Variants in SLC35F4 observed in about 807,000 individuals in gnomAD.
SLC35F4 encodes chromosome 14 open reading frame 36.
Under a neutral mutation model 44.2 loss-of-function variants are expected in SLC35F4, and 24 were observed. The observed-to-expected ratio is 0.54, with a 90% CI of 0.39 to 0.76. The LOEUF (loss-of-function observed/expected upper bound fraction) is 0.76, where lower values mean the gene tolerates loss of function less well. Ranked by LOEUF, SLC35F4 falls within the 30% of genes least tolerant of loss-of-function variation. SLC35F4 has a pLI of 0.00. For synonymous variants in SLC35F4, 238 were observed against 223.6 expected (o/e 1.06, Z -0.57); for missense variants, 562 against 586.1 (o/e 0.96, Z 0.42).
chr14:57,812,973 A>G (rs985238204), intron 1 of SLC35F4, among the ~76,000 whole-genome samples: 1 of 152,242 alleles, frequency 6.6e-6, no homozygotes, highest in Non-Finnish European at 1.5e-5. Flanking sequence ...CCTGTGTGCC[A>G]GAAGCTGTTC....
At chr14:57,743,466 A>C (rs1025554988) in intron 1 of SLC35F4, among the ~76,000 whole-genome samples, 2 of 152,236 alleles carry the variant, frequency 1.3e-5, no homozygotes, top group African/African-American at 4.8e-5. Context: ...AATAAACTAA[A>C]AAATCTAGAA....
At chr14:57,616,698 A>G (rs980020842) in intron 1 of SLC35F4, among the ~76,000 whole-genome samples, 1 of 151,858 alleles carries the variant, frequency 6.6e-6, no homozygotes, top group South Asian at 2.1e-4. Context: ...TTTTCTGTCT[A>G]TTCCCTTTAC....
intron 1 of SLC35F4, among the ~76,000 whole-genome samples, chr14:57,895,590 C>CTG (rs897205398): frequency 1.3e-5 from 2 of 151,970 alleles, no homozygotes; most frequent in African/African-American, 4.8e-5. Flanking sequence ...CACTCTCTCT[C>CTG]TCTCTCTCTC....
At chr14:57,589,085 G>A (rs918037034) in intron 3 of SLC35F4, 131 bp downstream of exon 3, 22 of 960,494 alleles carry the variant, frequency 2.3e-5, no homozygotes, top group South Asian at 1.0e-4. Context: ...TCTAGTGCTC[G>A]TCTCCAACCT....
intron 1 of SLC35F4, among the ~76,000 whole-genome samples, chr14:57,785,819 T>C (rs938464302): frequency 1.3e-5 from 2 of 152,022 alleles, no homozygotes; most frequent in East Asian, 1.9e-4. Flanking sequence ...CAGGGATCCA[T>C]TGGGAGGGTG....
intron 1 of SLC35F4, among the ~76,000 whole-genome samples, chr14:57,715,584 G>A (rs2075919759): frequency 6.6e-6 from 1 of 152,202 alleles, no homozygotes; most frequent in Non-Finnish European, 1.5e-5. Context: ...GGTCCTGGGA[G>A]TGAGTGACTA....
chr14:57,586,238 T>C (rs2069710155), intron 3 of SLC35F4, among the ~76,000 whole-genome samples: 1 of 152,220 alleles, frequency 6.6e-6, no homozygotes, highest in Non-Finnish European at 1.5e-5. Context: ...AAAGATGCCC[T>C]ATTTAATAAA....
intron 1 of SLC35F4, among the ~76,000 whole-genome samples, chr14:57,602,810 A>G (rs1163184516): frequency 1.3e-5 from 2 of 152,130 alleles, no homozygotes; most frequent in South Asian, 2.1e-4. Flanking sequence ...TACCCTGAAT[A>G]AAATATTATC....
chr14:57,570,925 T>A (rs533669513), intron 5 of SLC35F4, among the ~76,000 whole-genome samples: 1 of 152,298 alleles, frequency 6.6e-6, no homozygotes, highest in South Asian at 2.1e-4. Context: ...TCTTGGTGGA[T>A]CTCAGTTGGG....
chr14:57,618,370 G>A (rs546985902), intron 1 of SLC35F4, among the ~76,000 whole-genome samples: 65 of 152,242 alleles, frequency 4.3e-4, no homozygotes, highest in African/African-American at 1.5e-3. Context: ...TAGACAGTGG[G>A]TGCAGCCCAC....
intron 1 of SLC35F4, among the ~76,000 whole-genome samples, chr14:57,650,082 T>C (rs1199746304): frequency 6.6e-6 from 1 of 152,154 alleles, no homozygotes; most frequent in Non-Finnish European, 1.5e-5. Flanking sequence ...CTTAGTTTGC[T>C]TTTCTAACGT....
At chr14:57,890,223 G>T (rs1888732266) in intron 1 of SLC35F4, among the ~76,000 whole-genome samples, 1 of 152,200 alleles carries the variant, frequency 6.6e-6, no homozygotes, top group African/African-American at 2.4e-5. Context: ...ATGTGGAGTA[G>T]ATATGGACCC....
chr14:57,815,086 A>G (rs1427643324), intron 1 of SLC35F4, among the ~76,000 whole-genome samples: 1 of 152,214 alleles, frequency 6.6e-6, no homozygotes, highest in African/African-American at 2.4e-5. Flanking sequence ...TGCAGAGTTA[A>G]CTAGTTTCAA....
At chr14:57,774,601 C>G (rs2077444635) in intron 1 of SLC35F4, among the ~76,000 whole-genome samples, 1 of 152,162 alleles carries the variant, frequency 6.6e-6, no homozygotes. Flanking sequence ...TCTGAGAACC[C>G]CATAGTCTGC....
intron 1 of SLC35F4, among the ~76,000 whole-genome samples, chr14:57,723,794 C>T (rs1017677034): frequency 6.6e-6 from 1 of 152,106 alleles, no homozygotes; most frequent in African/African-American, 2.4e-5. Context: ...TTTGCTTCCA[C>T]AAGATATCAC....
chr14:57,760,968 C>T (rs1231732391), intron 1 of SLC35F4, among the ~76,000 whole-genome samples: 1 of 152,146 alleles, frequency 6.6e-6, no homozygotes, highest in Non-Finnish European at 1.5e-5. Context: ...CTCCGGCACT[C>T]TACCCACTGA....
chr14:57,646,562 C>CA (rs1352335729), intron 1 of SLC35F4, among the ~76,000 whole-genome samples: 1 of 151,982 alleles, frequency 6.6e-6, no homozygotes. Context: ...TTGATCTTTT[C>CA]AAAAAACCAG....
At chr14:57,895,032 G>A (rs1452697408) in intron 1 of SLC35F4, among the ~76,000 whole-genome samples, 3 of 152,136 alleles carry the variant, frequency 2.0e-5, no homozygotes, top group Admixed American at 2.0e-4. Flanking sequence ...CCTAATTTGG[G>A]CAGTGTGCTG....
intron 1 of SLC35F4, among the ~76,000 whole-genome samples, chr14:57,739,779 C>A (rs2076559027): frequency 6.6e-6 from 1 of 152,166 alleles, no homozygotes. Flanking sequence ...TAATTCCTAC[C>A]TGACAAGTTC....
Sources: gnomAD v4.1 joint callset for allele counts (sites outside exome capture counted in the v4.1 genomes callset) on GRCh38, gnomAD v4.1.1 for gene constraint, MANE v1.5 for transcripts, NCBI Gene and HGNC (gene_info 2026-07-23, HGNC 2026-07-21) for gene names.